The following HDHD5 variants were observed in gnomAD, a reference collection of about 807,000 sequenced individuals.
The protein encoded by HDHD5 is haloacid dehalogenase-like hydrolase domain-containing 5.
In HDHD5, 34 loss-of-function variants were observed where a neutral mutation model predicts 35.5. The observed-to-expected ratio is 0.96, with a 90% CI of 0.73 to 1.28. The LOEUF (loss-of-function observed/expected upper bound fraction) is 1.28, where lower values mean the gene tolerates loss of function less well. HDHD5 is among the 50% of genes most tolerant of loss of function. The pLI is 0.00. For synonymous variants in HDHD5, 248 were observed against 240.6 expected, an observed-to-expected ratio of 1.03 and a Z score of -0.29; for missense variants, 589 against 560.2, an observed-to-expected ratio of 1.05 and a Z score of -0.52.
intron 1 of HDHD5, among the ~76,000 whole-genome samples, chr22:17,154,826 T>C (rs575171114): frequency 6.6e-6 from 1 of 151,306 alleles, no homozygotes; most frequent in South Asian, 2.1e-4. Context: ...AGACAGGGTC[T>C]CCCTATGTTG....
upstream of HDHD5, chr22:17,159,934 A>G: frequency 6.1e-6 from 1 of 165,172 alleles, no homozygotes; most frequent in Non-Finnish European, 1.3e-5. Context: ...GAGTAGACAC[A>G]AGGGTGAATG....
At chr22:17,155,538 C>G (rs559561710) in intron 1 of HDHD5, among the ~76,000 whole-genome samples, 18 of 152,226 alleles carry the variant, frequency 1.2e-4, no homozygotes, top group East Asian at 7.7e-4. Flanking sequence ...ACCCACCGCG[C>G]CCGGCCCAAG....
chr22:17,164,222 GAAAAAAAA>G (rs60212114), upstream of HDHD5, among the ~76,000 whole-genome samples: 9 of 111,946 alleles, frequency 8.0e-5, no homozygotes, highest in Non-Finnish European at 7.7e-5. Context: ...CTCCATCTCA[GAAAAAAAA>G]AAAAAAAAAA....
intron 3 of HDHD5, among the ~76,000 whole-genome samples, chr22:17,145,864 A>T (rs2061656641): frequency 6.6e-6 from 1 of 152,128 alleles, no homozygotes; most frequent in Admixed American, 6.6e-5. Context: ...AAAATCTTAA[A>T]GGATGAACCC....
chr22:17,151,014 T>C (rs1206314369), intron 1 of HDHD5, among the ~76,000 whole-genome samples: 1 of 152,214 alleles, frequency 6.6e-6, no homozygotes, highest in Non-Finnish European at 1.5e-5. Context: ...ATTATGGGTA[T>C]TTCCTTGAGC....
At chr22:17,159,475 G>C (rs1037104375), upstream of HDHD5, 3 of 517,530 alleles carry the variant, frequency 5.8e-6, no homozygotes, top group Non-Finnish European at 1.1e-5. Context: ...CGAGATCGCG[G>C]TGAGCTGGCC....
At chr22:17,154,460 C>A (rs1311175488) in intron 1 of HDHD5, among the ~76,000 whole-genome samples, 2 of 150,938 alleles carry the variant, frequency 1.3e-5, no homozygotes. Flanking sequence ...GCCTGGGCAA[C>A]AAGAGGGAAA....
At chr22:17,155,885 G>C (rs571516578) in intron 1 of HDHD5, among the ~76,000 whole-genome samples, 54 of 152,282 alleles carry the variant, frequency 3.5e-4, no homozygotes, top group African/African-American at 1.1e-3. Context: ...GGTAGCCACA[G>C]AAAGAAAAGA....
At chr22:17,153,241 C>T (rs908477212) in intron 1 of HDHD5, among the ~76,000 whole-genome samples, 13 of 152,102 alleles carry the variant, frequency 8.5e-5, no homozygotes, top group Non-Finnish European at 1.2e-4. Flanking sequence ...CAAAATGTGC[C>T]GGTTTATACA....
At chr22:17,151,427 AG>A (rs1204207829) in intron 1 of HDHD5, among the ~76,000 whole-genome samples, 1 of 152,190 alleles carries the variant, frequency 6.6e-6, no homozygotes, top group Non-Finnish European at 1.5e-5. Flanking sequence ...TAGAGCAACC[AG>A]AAACAGAAAT....
chr22:17,155,298 T>G (rs1442286360), intron 1 of HDHD5, among the ~76,000 whole-genome samples: 1 of 149,280 alleles, frequency 6.7e-6, no homozygotes, highest in African/African-American at 2.5e-5. Flanking sequence ...CAGGCTGGAG[T>G]GCAGTGGTGC....
At chr22:17,160,807 A>G (rs143414534), upstream of HDHD5, among the ~76,000 whole-genome samples, 394 of 152,288 alleles carry the variant, frequency 2.6e-3, 2 homozygotes, top group African/African-American at 9.1e-3. Flanking sequence ...CAATAGCCCG[A>G]CACTTAAACC....
chr22:17,149,437 A>G, intron 2 of HDHD5, 105 bp downstream of exon 2: 1 of 1,029,090 alleles, frequency 9.7e-7, no homozygotes, highest in Non-Finnish European at 1.5e-6. Flanking sequence ...ACCTAGGACT[A>G]GGTGATTCCA....
chr22:17,149,927 G>A (rs1405502994), intron 1 of HDHD5, among the ~76,000 whole-genome samples, 182 bp from the exon 2 acceptor site: 2 of 152,090 alleles, frequency 1.3e-5, no homozygotes, highest in East Asian at 3.8e-4. Context: ...GAAATCCAAA[G>A]AAAATATAAT....
At chr22:17,144,916 G>A in intron 4 of HDHD5, 108 bp downstream of exon 4, 1 of 1,344,026 alleles carries the variant, frequency 7.4e-7, no homozygotes, top group Non-Finnish European at 1.0e-6. Flanking sequence ...AAGAAGCATG[G>A]ACAAATCACA....
At position 17,137,779 on chromosome 22, in the gene HDHD5, C is replaced by A; in HGVS notation, c.*242G>T. Reference sequence around the variant, plus strand: ...AAGAGAATGGCCTGAGGTTAGACTGCCACGAAAGGCACGTGGGAACTGGGC... The same window carrying A: ...AAGAGAATGGCCTGAGGTTAGACTGACACGAAAGGCACGTGGGAACTGGGC... On this transcript the variant is annotated 3_prime_UTR_variant, in exon 8 of 8. Coordinates refer to ENST00000336737, the MANE Select transcript of HDHD5 (RefSeq NM_033070.3). 2.0e-6 allele frequency: 1 copy of A among 506,826 alleles called. No homozygotes were observed. The highest frequency in any genetic ancestry group is 3.6e-6 in the Non-Finnish European group (1 of 281,348). 31.4% of individuals were successfully genotyped at this position (506,826 alleles called of 1,614,324 possible).
At chr22:17,150,952 T>A (rs558217914) in intron 1 of HDHD5, among the ~76,000 whole-genome samples, 1 of 152,246 alleles carries the variant, frequency 6.6e-6, no homozygotes, top group Non-Finnish European at 1.5e-5. Context: ...AATTTTGCTA[T>A]GAAAAATAAT....
chr22:17,142,492 A>G (rs2061610740), intron 5 of HDHD5: 1 of 152,258 alleles, frequency 6.6e-6, no homozygotes, highest in Non-Finnish European at 1.5e-5. Flanking sequence ...ACCAACGGCA[A>G]TGCTGCCCCT....
chr22:17,159,230 C>A lies in HDHD5; in HGVS notation c.22G>T (p.Ala8Ser). The change falls in exon 1 of 8, where the codon GCT (alanine) becomes TCT (serine). Residue 8 changes from alanine (A) to serine (S), a missense_variant. By Grantham distance (99) the Ala-to-Ser change is moderately conservative. Transcript: ENST00000336737. Reference protein sequence around the residue: MAAWGCVAALGAARGLCW... With the variant: MAAWGCVSALGAARGLCW... ...AGCCCACGCGCCGCGCCGAGCGCAG[C>A]CACACAGCCCCACGCAGCCATCCGG... 1 of 1,213,200 alleles carries A rather than the reference C, an allele frequency of 8.2e-7. No homozygotes were observed. The highest frequency in any genetic ancestry group is 1.0e-6 in the Non-Finnish European group (1 of 975,164). 75.2% of individuals were successfully genotyped at this position (1,213,200 alleles called of 1,614,324 possible).
Sources: allele counts gnomAD v4.1 joint callset (sites outside exome capture counted in the v4.1 genomes callset), GRCh38; gene constraint gnomAD v4.1.1; transcripts MANE v1.5; gene names NCBI Gene and HGNC (gene_info 2026-07-23, HGNC 2026-07-21).